Variants in NRXN1 observed in about 807,000 individuals in gnomAD.
NRXN1 encodes the protein neurexin-1.
In NRXN1, 39 loss-of-function variants were observed where a neutral mutation model predicts 150.9. That is an observed-to-expected ratio of 0.26 (90% confidence interval 0.20 to 0.34). The LOEUF (loss-of-function observed/expected upper bound fraction) is 0.34. Among genes scored for constraint, NRXN1 ranks in the 10% least tolerant of loss-of-function variants. The pLI is 1.00. For synonymous variants in NRXN1, 924 were observed against 757.0 expected, an observed-to-expected ratio of 1.22 and a Z score of -3.62; for missense variants, 1,815 against 1,949.9, an observed-to-expected ratio of 0.93 and a Z score of 1.30.
intron 5 of NRXN1, among the ~76,000 whole-genome samples, chr2:50,823,689 T>C (rs934887003): frequency 4.6e-5 from 7 of 152,280 alleles, no homozygotes; most frequent in African/African-American, 1.7e-4. Flanking sequence ...CAAATAATGA[T>C]TTATGGGTCC....
chr2:50,681,770 C>T (rs777715784), intron 5 of NRXN1, among the ~76,000 whole-genome samples: 3 of 152,148 alleles, frequency 2.0e-5, no homozygotes, highest in Non-Finnish European at 2.9e-5. Context: ...ATTTTTATAA[C>T]TAATCAAAGC....
chr2:50,289,790 G>C (rs1337015371), intron 17 of NRXN1, among the ~76,000 whole-genome samples: 1 of 152,086 alleles, frequency 6.6e-6, no homozygotes, highest in African/African-American at 2.4e-5. Flanking sequence ...TTGATTTCAA[G>C]TAGAATCAAG....
At chr2:50,489,042 A>G (rs963027127) in intron 15 of NRXN1, among the ~76,000 whole-genome samples, 1 of 152,220 alleles carries the variant, frequency 6.6e-6, no homozygotes, top group African/African-American at 2.4e-5. Context: ...AGCTCAAGCC[A>G]TCTAATCACC....
chr2:49,979,395 C>A (rs897001824), intron 21 of NRXN1, among the ~76,000 whole-genome samples: 4 of 152,190 alleles, frequency 2.6e-5, no homozygotes, highest in African/African-American at 4.8e-5. Context: ...TGTATTAAGG[C>A]ACGGAGAGCC....
At chr2:49,973,599 A>G (rs1678351051) in intron 21 of NRXN1, among the ~76,000 whole-genome samples, 1 of 150,344 alleles carries the variant, frequency 6.7e-6, no homozygotes, top group Non-Finnish European at 1.5e-5. Context: ...AAGTTAATAC[A>G]TATATACATA....
intron 13 of NRXN1, among the ~76,000 whole-genome samples, chr2:50,499,023 C>T (rs956230543): frequency 1.1e-4 from 17 of 152,146 alleles, no homozygotes; most frequent in African/African-American, 4.1e-4. Flanking sequence ...ACTGAACAAC[C>T]ACCTATGTGT....
intron 17 of NRXN1, among the ~76,000 whole-genome samples, chr2:50,460,884 G>GT (rs1451734488): frequency 6.6e-6 from 1 of 151,932 alleles, no homozygotes; most frequent in African/African-American, 2.4e-5. Context: ...CTCACAAAGA[G>GT]TATCTGGTTG....
intron 2 of NRXN1, among the ~76,000 whole-genome samples, chr2:50,938,969 T>C (rs867767093): frequency 6.6e-6 from 1 of 152,090 alleles, no homozygotes; most frequent in African/African-American, 2.4e-5. Flanking sequence ...CCCTGCACTT[T>C]GGGAGGCCAA....
chr2:50,187,990 G>A (rs1255041610), intron 18 of NRXN1, among the ~76,000 whole-genome samples: 2 of 151,894 alleles, frequency 1.3e-5, no homozygotes, highest in African/African-American at 4.8e-5. Flanking sequence ...GAGATGATGG[G>A]GTTTTCTAAA....
intron 18 of NRXN1, among the ~76,000 whole-genome samples, chr2:50,143,557 A>G (rs1295618461): frequency 6.6e-6 from 1 of 152,018 alleles, no homozygotes; most frequent in Non-Finnish European, 1.5e-5. Flanking sequence ...AAGGACAGAG[A>G]GAGCAGCAAA....
At chr2:50,074,480 T>C (rs1696761151) in intron 19 of NRXN1, among the ~76,000 whole-genome samples, 1 of 152,156 alleles carries the variant, frequency 6.6e-6, no homozygotes, top group South Asian at 2.1e-4. Flanking sequence ...ATGGGGATAA[T>C]TTATGAGGTT....
chr2:50,439,809 T>G (rs1044160298), intron 17 of NRXN1, among the ~76,000 whole-genome samples: 16 of 128,624 alleles, frequency 1.2e-4, no homozygotes, highest in African/African-American at 4.6e-4. Flanking sequence ...AGAGTGAGAC[T>G]CTGTCTCAAA....
At chr2:51,006,609 ACT>A (rs1700759734) in intron 2 of NRXN1, among the ~76,000 whole-genome samples, 1 of 151,728 alleles carries the variant, frequency 6.6e-6, no homozygotes, top group African/African-American at 2.4e-5. Context: ...ACCTTCTGTT[ACT>A]CTCTATTTTT....
intron 2 of NRXN1, among the ~76,000 whole-genome samples, chr2:50,951,409 C>T (rs1327775177): frequency 6.6e-6 from 1 of 152,068 alleles, no homozygotes; most frequent in Non-Finnish European, 1.5e-5. Context: ...CGCCAGATAC[C>T]CAACTGGATG....
At position 50,063,547 on chromosome 2, in the gene NRXN1, G is replaced by GACACACACACACAC. The variant is rs3046664; in HGVS notation, c.3719-8517_3719-8504dup. Among the ~76,000 whole-genome samples, 561 of 137,584 alleles carry GACACACACACACAC rather than the reference G, an allele frequency of 4.1e-3. 8 individuals are homozygous for GACACACACACACAC. Among genetic ancestry groups the GACACACACACACAC allele is most frequent in the African/African-American group, 0.014 (511 of 36,918 alleles). The allele number at this position is 137,584 out of a possible 152,430, so 90.3% of individuals were successfully genotyped here. On this transcript the variant is annotated intron_variant, in intron 19 of 22. Transcript: ENST00000401669. The stretch of plus-strand genomic sequence containing the variant: ...CTCAACATCTCTGCCCACCTCAACA[G>GACACACACACACAC]ACACACACACACACACACACACACA...
At chr2:50,481,286 T>C (rs1370332264) in intron 15 of NRXN1, among the ~76,000 whole-genome samples, 1 of 152,166 alleles carries the variant, frequency 6.6e-6, no homozygotes, top group Non-Finnish European at 1.5e-5. Flanking sequence ...AAAGTAATGG[T>C]AATAAATGGT....
At chr2:50,248,413 T>G (rs1455168610) in intron 17 of NRXN1, among the ~76,000 whole-genome samples, 2 of 152,174 alleles carry the variant, frequency 1.3e-5, no homozygotes, top group African/African-American at 2.4e-5. Context: ...GAGATTTTGT[T>G]TGGCTATAAA....
chr2:50,212,272 T>C (rs1401826782), intron 18 of NRXN1, among the ~76,000 whole-genome samples: 1 of 146,064 alleles, frequency 6.8e-6, no homozygotes, highest in Non-Finnish European at 1.5e-5. Context: ...AGTTTCATGG[T>C]AGTGAAAAAA....
rs369580665 is a variant in NRXN1 at position 50,895,737 on chromosome 2, C to T, written c.832+26132G>A. On this transcript the variant is annotated intron_variant, in intron 5 of 22. Coordinates refer to ENST00000401669, the MANE Select transcript of NRXN1 (RefSeq NM_001330078.2). Reference sequence around the variant, plus strand: ...CTGGGATTACAGGAGTGCGCCACCACGCCTGGCTAATTTTGTATTTTTAGT... The same window carrying T: ...CTGGGATTACAGGAGTGCGCCACCATGCCTGGCTAATTTTGTATTTTTAGT... 1.3e-4 allele frequency among the ~76,000 whole-genome samples: 20 copies of T among 151,684 alleles called. No homozygotes were observed. In the East Asian group the frequency reaches 1.7e-3, roughly 13 times the overall value.
Sources: allele counts gnomAD v4.1 joint callset (sites outside exome capture counted in the v4.1 genomes callset), GRCh38; gene constraint gnomAD v4.1.1; transcripts MANE v1.5; gene names NCBI Gene and HGNC (gene_info 2026-07-23, HGNC 2026-07-21).